The following AKT1S1 variants were observed in gnomAD, a reference collection of about 807,000 sequenced individuals.
The protein encoded by AKT1S1 is proline-rich AKT1 substrate 1.
In AKT1S1, 17 loss-of-function variants were observed where a neutral mutation model predicts 21.2. The observed-to-expected ratio is 0.80, with a 90% CI of 0.55 to 1.20. The LOEUF is 1.20. AKT1S1 is among the 50% of genes most tolerant of loss of function. The pLI, the probability that AKT1S1 is intolerant of heterozygous loss-of-function variation, is 0.00. For synonymous variants in AKT1S1, 181 were observed against 165.6 expected (o/e 1.09, Z -0.72); for missense variants, 366 against 368.3 (o/e 0.99, Z 0.05).
intron 1 of AKT1S1, chr19:49,874,652 CCTGA>C (rs1206575503): frequency 2.0e-5 from 3 of 152,266 alleles, no homozygotes; most frequent in African/African-American, 7.2e-5. Context: ...GGGTCCTTGC[CCTGA>C]CTCTGTCTCA....
chr19:49,871,159 G>A (rs1399303062), intron 4 of AKT1S1, among the ~76,000 whole-genome samples: 3 of 152,178 alleles, frequency 2.0e-5, no homozygotes, highest in Non-Finnish European at 4.4e-5. Flanking sequence ...TGCTACAAGG[G>A]GTGAACAGGG....
upstream of AKT1S1, chr19:49,877,427 G>A (rs754160041): frequency 3.1e-5 from 14 of 457,526 alleles, no homozygotes; most frequent in Non-Finnish European, 5.5e-5. Flanking sequence ...CTTGCCCCAG[G>A]TGGTGCAGCT....
In AKT1S1 at chr19:49,871,843, G is replaced by A. The variant is rs753256097; in HGVS notation, c.426C>T (p.Pro142=). ...DEDATLQDLP[P]FCESDPESTD... The stretch of plus-strand genomic sequence containing the variant: ...TACTCTCGGGGTCTGACTCACAGAA[G>A]GGGGGAAGGTCCTGGAGGGTGGCGT... Residue 142 remains proline (P), a synonymous_variant, in exon 3 of 5, where the codon CCC becomes CCT. Coordinates refer to ENST00000344175, the MANE Select transcript of AKT1S1 (RefSeq NM_001098633.4). 24 of 1,611,226 alleles carry A rather than the reference G, an allele frequency of 1.5e-5. No homozygotes were observed. The Admixed American group carries it at 3.4e-4, about 23-fold the overall frequency.
upstream of AKT1S1, chr19:49,877,845 G>C (rs2074969464): frequency 2.1e-6 from 3 of 1,410,386 alleles, no homozygotes; most frequent in Admixed American, 6.8e-5. Flanking sequence ...ATCCGGCACG[G>C]CCTTGGCAAA....
chr19:49,871,663 G>C lies in AKT1S1; in HGVS notation c.511C>G (p.Pro171Ala). Residue 171 changes from proline (P) to alanine (A), a missense_variant, in exon 4 of 5, where the codon CCA becomes GCA. By Grantham distance (27) the Pro-to-Ala change is conservative. Transcript: ENST00000344175. The part of the protein sequence containing the change: ...PAGPPTCSVP[P>A]ASALPTQQYA... ...TGCTGTGTGGGTAGGGCTGAGGCTG[G>C]GGGCACTGAGCAGGTGGGGGGGCCG... 6.2e-7 allele frequency: 1 copy of C among 1,613,948 alleles called. No individual in the cohort carries two copies. The highest frequency in any genetic ancestry group is 8.5e-7 in the Non-Finnish European group (1 of 1,180,010).
Position 49,869,380 on chromosome 19 carries a change from G to C in AKT1S1, c.*537C>G, listed in dbSNP as rs942195183. The C allele has an allele frequency of 6.5e-6, 1 of 152,838 alleles. No homozygotes were observed. Among genetic ancestry groups the C allele is most frequent in the Admixed American group, 6.5e-5 (1 of 15,284 alleles). 9.5% of individuals were successfully genotyped at this position (152,838 alleles called of 1,614,324 possible). A position where few individuals can be genotyped will look rare whatever the true frequency, so the allele number is the denominator to read the frequency against. ...GGCAAAGACGACCCCAGTCCCCGTA[G>C]TGTAAAGAACGTAAATTGAAGGCCC... On this transcript the variant is annotated 3_prime_UTR_variant, in exon 5 of 5. Coordinates refer to ENST00000344175, the MANE Select transcript of AKT1S1 (RefSeq NM_001098633.4).
In AKT1S1 at chr19:49,872,941, G is replaced by A; in HGVS notation, c.355C>T (p.Gln119Ter). 1.2e-6 allele frequency: 2 copies of A among 1,602,640 alleles called. No individual in the cohort carries two copies. The highest frequency in any genetic ancestry group is 1.7e-6 in the Non-Finnish European group (2 of 1,178,418). Reference protein sequence around the residue: ...EPTETETSGEQLGISDNGGLF... With the variant: ...EPTETETSGE ...CCTCCATTATCACTAATGCCCAGCT[G>A]CTCCCCGGAGGTCTCTGTCTCTGTG... The change falls in exon 2 of 5, where the codon CAG (glutamine) becomes TAG (stop). Residue 119 changes from glutamine (Q) to a stop codon, truncating the protein, a stop_gained. Transcript: ENST00000344175. LOFTEE classifies it high-confidence loss of function.
chr19:49,871,995 C>T lies in AKT1S1; in HGVS notation c.380-106G>A. 2.6e-6 allele frequency: 3 copies of T among 1,175,654 alleles called. No homozygotes were observed. The South Asian group carries it at 3.9e-5, about 15-fold the overall frequency. 72.8% of individuals were successfully genotyped at this position (1,175,654 alleles called of 1,614,324 possible). A position where few individuals can be genotyped will look rare whatever the true frequency, so the allele number is the denominator to read the frequency against. ...CTGCCACAGCCACCACCTCCACCTC[C>T]CTGAAGCTTCTGAGACCCATTTCCT... is the stretch of plus-strand genomic sequence containing the variant. On this transcript the variant is annotated intron_variant, in intron 2 of 4. Coordinates refer to ENST00000344175, the MANE Select transcript of AKT1S1 (RefSeq NM_001098633.4).
intron 1 of AKT1S1, chr19:49,875,784 C>A (rs1385270843): frequency 2.1e-6 from 2 of 933,370 alleles, no homozygotes; most frequent in Non-Finnish European, 2.6e-6. Flanking sequence ...AAGGACAGGG[C>A]GACTTCCACA....
At position 49,869,720 on chromosome 19, in the gene AKT1S1, G is replaced by C; in HGVS notation, c.*197C>G. 3.6e-6 allele frequency: 2 copies of C among 557,968 alleles called. No individual in the cohort carries two copies. The highest frequency in any genetic ancestry group is 5.8e-6 in the Non-Finnish European group (2 of 342,058). 34.6% of individuals were successfully genotyped at this position (557,968 alleles called of 1,614,324 possible). On this transcript the variant is annotated 3_prime_UTR_variant, in exon 5 of 5. Coordinates refer to ENST00000344175, the MANE Select transcript of AKT1S1 (RefSeq NM_001098633.4). ...GACGACAGACCCAATCGGGAAACGG[G>C]ACAGATGCCGCTCCTCGGCGCGGCA... is the stretch of plus-strand genomic sequence containing the variant.
chr19:49,874,757 G>A (rs568414172), intron 1 of AKT1S1: 1 of 152,114 alleles, frequency 6.6e-6, no homozygotes, highest in East Asian at 1.9e-4. Flanking sequence ...AGAGCTGCTG[G>A]GCTGCGGAAG....
Position 49,873,123 on chromosome 19 carries a change from G to A in AKT1S1, c.173C>T (p.Ala58Val), listed in dbSNP as rs375398248. Residue 58 changes from alanine (A) to valine (V), a missense_variant, in exon 2 of 5, where the codon GCG becomes GTG. Physicochemically the swap from Ala to Val is moderately conservative, Grantham distance 64. Transcript: ENST00000344175. The surrounding 1 kb of genome is among the most constrained non-coding windows in gnomAD (Gnocchi z 6.9). ...TGCGATGTCGTGGAGGCAACGGCGC[G>A]CTGCCTCCGCCAGGGCTCCTCGACC... Reference protein sequence around the residue: ...AHGRGALAEAARRCLHDIALA... With the variant: ...AHGRGALAEAVRRCLHDIALA... The A allele has an allele frequency of 4.3e-5, 66 of 1,541,786 alleles. No individual in the cohort carries two copies. Among genetic ancestry groups the A allele is most frequent in the Non-Finnish European group, 5.2e-5 (60 of 1,148,506 alleles).
At chr19:49,870,085 GT>G in intron 4 of AKT1S1, 25 bp from the exon 5 acceptor site, 1 of 1,495,386 alleles carries the variant, frequency 6.7e-7, no homozygotes. Flanking sequence ...ACGGGGCGAG[GT>G]CAGCGCCGGC....
intron 1 of AKT1S1, among the ~76,000 whole-genome samples, chr19:49,875,589 G>A (rs890264715): frequency 6.6e-6 from 1 of 152,216 alleles, no homozygotes; most frequent in Non-Finnish European, 1.5e-5. Flanking sequence ...GCTAGGCCTG[G>A]GGCTCTCACT....
rs2074956843 is a variant in AKT1S1 at position 49,877,057 on chromosome 19, T to G, written c.-8+180A>C. On this transcript the variant is annotated intron_variant, in intron 1 of 4. Transcript: ENST00000344175. ...CATTCGGCACGAAGGCTGGCAAAGA[T>G]CCAACACGGCAGCATTTCTTGCTTC... 3 of 201,774 alleles carry G rather than the reference T, an allele frequency of 1.5e-5. 1 individual carries two copies. In the South Asian group the frequency reaches 4.9e-4, roughly 33 times the overall value. 12.5% of individuals were successfully genotyped at this position (201,774 alleles called of 1,614,324 possible).
At chr19:49,871,994 C>T in intron 2 of AKT1S1, 105 bp from the exon 3 acceptor site, 2 of 1,183,684 alleles carry the variant, frequency 1.7e-6, no homozygotes, top group South Asian at 2.6e-5. Context: ...ACCTCCACCT[C>T]CCTGAAGCTT....
Position 49,869,132 on chromosome 19 carries a change from G to A in AKT1S1, c.*785C>T, listed in dbSNP as rs1234104609. 1 of 152,662 alleles carries A rather than the reference G, an allele frequency of 6.6e-6. No homozygotes were observed. The highest frequency in any genetic ancestry group is 6.5e-5 in the Admixed American group (1 of 15,304). 9.5% of individuals were successfully genotyped at this position (152,662 alleles called of 1,614,324 possible). ...CTCTCTCCCCCACACCAGGGCCGGA[G>A]AGTGAGGGCCCCTGCCCCCCACCTT... On this transcript the variant is annotated 3_prime_UTR_variant, in exon 5 of 5. Transcript: ENST00000344175.
At position 49,873,076 on chromosome 19, in the gene AKT1S1, C is replaced by A. The variant is rs1219196366; in HGVS notation, c.220G>T (p.Ala74Ser). ...DIALAHRAATAARPPAPPPAP... is the reference protein window; with the variant it reads ...DIALAHRAATSARPPAPPPAP... Reference sequence around the variant, plus strand: ...GGTGGGGGCGCAGGAGGCCGAGCAGCAGTGGCAGCCCTGTGGGCCAGTGCG... The same window carrying A: ...GGTGGGGGCGCAGGAGGCCGAGCAGAAGTGGCAGCCCTGTGGGCCAGTGCG... Residue 74 changes from alanine to serine, a missense_variant, in exon 2 of 5, where the codon GCT becomes TCT. Physicochemically the swap from Ala to Ser is moderately conservative, Grantham distance 99. Coordinates refer to ENST00000344175, the MANE Select transcript of AKT1S1 (RefSeq NM_001098633.4). This position sits in a 1 kb window ranked among gnomAD's most constrained non-coding sequence, Gnocchi z 6.9. 3 of 1,552,608 alleles carry A rather than the reference C, an allele frequency of 1.9e-6. No individual in the cohort carries two copies. Among genetic ancestry groups the A allele is most frequent in the Non-Finnish European group, 1.7e-6 (2 of 1,150,470 alleles).
intron 4 of AKT1S1, among the ~76,000 whole-genome samples, chr19:49,870,304 G>C (rs1320876202): frequency 6.6e-6 from 1 of 152,150 alleles, no homozygotes; most frequent in Non-Finnish European, 1.5e-5. Flanking sequence ...TCCCCTTCTT[G>C]GCCTAGGACA....
Sources: allele counts gnomAD v4.1 joint callset (sites outside exome capture counted in the v4.1 genomes callset), GRCh38; gene constraint gnomAD v4.1.1; non-coding constraint Gnocchi (gnomAD v3.1); transcripts MANE v1.5; gene names NCBI Gene and HGNC (gene_info 2026-07-23, HGNC 2026-07-21).